Variants in RBM19 observed in about 807,000 individuals in gnomAD.
The protein encoded by RBM19 is RNA binding motif protein 19, also known as probable RNA-binding protein 19.
RBM19 carries 94 observed loss-of-function variants against 116.8 expected under a neutral mutation model. The ratio of observed to expected loss-of-function variants is 0.80; its 90% CI spans 0.68 to 0.95. The LOEUF is 0.95. RBM19 is among the 40% of genes least tolerant of loss of function. The pLI is 0.00. For missense variants in RBM19, 1,161 were observed against 1,220.7 expected (o/e 0.95, Z 0.73); for synonymous variants, 475 against 494.1 (o/e 0.96, Z 0.51).
intron 22 of RBM19, among the ~76,000 whole-genome samples, chr12:113,847,699 T>C (rs1877112096): frequency 6.6e-6 from 1 of 151,994 alleles, no homozygotes; most frequent in Admixed American, 6.5e-5. Flanking sequence ...TCCCAGGAGG[T>C]AGGTCCGGGT....
intron 6 of RBM19, among the ~76,000 whole-genome samples, chr12:113,956,454 G>T (rs113846711): frequency 0.049 from 7,409 of 151,640 alleles, 581 homozygotes; most frequent in African/African-American, 0.17. Context: ...GGTGGTGTGT[G>T]CCTGTAATCC....
chr12:113,924,339 C>G (rs754011769), intron 18 of RBM19, among the ~76,000 whole-genome samples: 5 of 152,210 alleles, frequency 3.3e-5, no homozygotes, highest in Non-Finnish European at 5.9e-5. Context: ...TCCTAGGAAA[C>G]TTCCAGAGCA....
At chr12:113,865,733 T>C (rs1593504037) in intron 21 of RBM19, among the ~76,000 whole-genome samples, 1 of 151,794 alleles carries the variant, frequency 6.6e-6, no homozygotes, top group Non-Finnish European at 1.5e-5. Flanking sequence ...AGTGCAACCA[T>C]ATGCTATTAC....
At chr12:113,915,219 G>T (rs1231470784) in intron 20 of RBM19, 134 bp from the exon 21 acceptor site, 34 of 750,620 alleles carry the variant, frequency 4.5e-5, no homozygotes, top group Non-Finnish European at 7.4e-5. Context: ...CGGGACCAAC[G>T]TGAAAGGAGA....
intron 21 of RBM19, among the ~76,000 whole-genome samples, chr12:113,912,736 T>C (rs1185639594): frequency 6.6e-6 from 1 of 152,182 alleles, no homozygotes; most frequent in Non-Finnish European, 1.5e-5. Context: ...GAGAAACCCA[T>C]AGAACCTGCC....
chr12:113,954,317 A>G (rs1871724971), intron 7 of RBM19, among the ~76,000 whole-genome samples: 1 of 152,198 alleles, frequency 6.6e-6, no homozygotes, highest in Admixed American at 6.5e-5. Flanking sequence ...AATAATAATA[A>G]TAAAAACTAA....
intron 4 of RBM19, 119 bp from the exon 5 acceptor site, chr12:113,959,523 C>A: frequency 8.4e-7 from 1 of 1,185,656 alleles, no homozygotes. Context: ...ATCCCTCAAG[C>A]TAATTTCCCC....
At chr12:113,909,747 C>T (rs775529960) in intron 21 of RBM19, among the ~76,000 whole-genome samples, 14 of 152,150 alleles carry the variant, frequency 9.2e-5, no homozygotes, top group Non-Finnish European at 2.1e-4. Context: ...TTCTCACCTC[C>T]AGACCCACTT....
At chr12:113,875,459 G>C (rs986144493) in intron 21 of RBM19, among the ~76,000 whole-genome samples, 4 of 152,196 alleles carry the variant, frequency 2.6e-5, no homozygotes, top group African/African-American at 9.7e-5. Flanking sequence ...TGCGTGGCCT[G>C]GAGTCCAGGA....
intron 21 of RBM19, among the ~76,000 whole-genome samples, chr12:113,900,077 T>C (rs1020591187): frequency 6.6e-6 from 1 of 152,166 alleles, no homozygotes; most frequent in Non-Finnish European, 1.5e-5. Flanking sequence ...GTCTGAGCTT[T>C]TGTCGCCCAC....
intron 21 of RBM19, among the ~76,000 whole-genome samples, chr12:113,869,517 C>G (rs904294668): frequency 2.6e-5 from 4 of 152,314 alleles, no homozygotes; most frequent in African/African-American, 9.6e-5. Context: ...TGCTCTCCCC[C>G]ACTTTCTCCC....
rs73397033 is a variant in RBM19, at chr12:113,906,234, G to T, written c.2558+8735C>A. On this transcript the variant is annotated intron_variant, in intron 21 of 23. Transcript: ENST00000261741. ...ACCCAAATGCTCATTGGTAAAATGGGTAAGTATATTGCAACATATTCACAC... is the reference window on the plus strand; with the variant it reads ...ACCCAAATGCTCATTGGTAAAATGGTTAAGTATATTGCAACATATTCACAC... Among the ~76,000 whole-genome samples, 648 of 152,268 alleles carry T rather than the reference G, an allele frequency of 4.3e-3. 6 individuals are homozygous for T. Among genetic ancestry groups the T allele is most frequent in the African/African-American group, 0.014 (586 of 41,546 alleles).
Position 113,922,626 on chromosome 12 carries a change from T to G in RBM19, c.2306-1936A>C, listed in dbSNP as rs548113626. 2.0e-5 allele frequency among the ~76,000 whole-genome samples: 3 copies of G among 152,054 alleles called. No homozygotes were observed. The East Asian group carries it at 5.8e-4, about 29-fold the overall frequency. On this transcript the variant is annotated intron_variant, in intron 18 of 23. Coordinates refer to ENST00000261741, the MANE Select transcript of RBM19 (RefSeq NM_016196.4). ...ACTTCAGCAATAACTTTTTTTTTTT[T>G]TTTTCCTGAAATCCTCAAAACTGGT...
At chr12:113,859,907 C>T (rs1438842823) in intron 21 of RBM19, among the ~76,000 whole-genome samples, 1 of 152,166 alleles carries the variant, frequency 6.6e-6, no homozygotes. Flanking sequence ...GGGTAAAAAA[C>T]ACAGTAAAGG....
chr12:113,853,585 C>A (rs1297027756), intron 22 of RBM19, among the ~76,000 whole-genome samples: 1 of 152,214 alleles, frequency 6.6e-6, no homozygotes, highest in Non-Finnish European at 1.5e-5. Flanking sequence ...CCCTTCCTTT[C>A]TTCCTTCAGG....
chr12:113,952,946 T>C (rs1320198122), intron 7 of RBM19, among the ~76,000 whole-genome samples: 1 of 152,236 alleles, frequency 6.6e-6, no homozygotes, highest in Non-Finnish European at 1.5e-5. Flanking sequence ...TTTTTGTGTA[T>C]TAGTTTTGCA....
At chr12:113,844,363 G>A (rs1423378052) in intron 23 of RBM19, among the ~76,000 whole-genome samples, 1 of 152,226 alleles carries the variant, frequency 6.6e-6, no homozygotes, top group Non-Finnish European at 1.5e-5. Flanking sequence ...CTGGCAGGCA[G>A]GGAGGGATAA....
At position 113,966,221 on chromosome 12, in the gene RBM19, G is replaced by T. The variant is rs763716462; in HGVS notation, c.7C>A (p.Arg3=). Residue 3 remains arginine, a synonymous_variant, in exon 1 of 24, where the codon CGA becomes AGA. Transcript: ENST00000261741. ...TTCGGGAGATTCTTCACGATCAGTC[G>T]CGACATGGCGCAGGGTCCCCGCTGT... MS[R]LIVKNLPNGM... The T allele has an allele frequency of 6.2e-7, 1 of 1,614,248 alleles. No homozygotes were observed. The highest frequency in any genetic ancestry group is 8.5e-7 in the Non-Finnish European group (1 of 1,180,046).
At chr12:113,954,407 G>A (rs1328553441) in intron 7 of RBM19, among the ~76,000 whole-genome samples, 1 of 152,170 alleles carries the variant, frequency 6.6e-6, no homozygotes, top group African/African-American at 2.4e-5. Context: ...GTAGATACAA[G>A]TGTGTTGGCC....
Sources: allele counts gnomAD v4.1 joint callset (sites outside exome capture counted in the v4.1 genomes callset), GRCh38; gene constraint gnomAD v4.1.1; transcripts MANE v1.5; gene names NCBI Gene and HGNC (gene_info 2026-07-23, HGNC 2026-07-21).